LOXHD1: variants seen among roughly 807,000 people sequenced by gnomAD.
The protein encoded by LOXHD1 is lipoxygenase homology PLAT domains 1.
In LOXHD1, 205 loss-of-function variants were observed where a neutral mutation model predicts 248.2. The observed-to-expected ratio is 0.83, with a 90% CI of 0.74 to 0.93. LOXHD1 has a LOEUF of 0.93. Among genes scored for constraint, LOXHD1 ranks in the 40% least tolerant of loss-of-function variants. The pLI is 0.00. For missense variants in LOXHD1, 2,930 were observed against 2,971.6 expected (o/e 0.99, Z 0.33); for synonymous variants, 1,113 against 1,162.8 (o/e 0.96, Z 0.87).
At chr18:46,509,058 G>A (rs960883109) in intron 35 of LOXHD1, among the ~76,000 whole-genome samples, 4 of 152,200 alleles carry the variant, frequency 2.6e-5, no homozygotes, top group African/African-American at 7.2e-5. Flanking sequence ...CCATGTGCAT[G>A]TATGTGTGTG....
At position 46,550,645 on chromosome 18, in the gene LOXHD1, C is replaced by T. The variant is rs544978753; in HGVS notation, c.3351-3587G>A. ...TCAAATCAGTTTTCCACTATAAGGA[C>T]GATCACAGAAGCATATGTTGAGGAA... On this transcript the variant is annotated intron_variant, in intron 21 of 40. Coordinates refer to ENST00000642948, the MANE Select transcript of LOXHD1 (RefSeq NM_001384474.1). 3.8e-4 allele frequency among the ~76,000 whole-genome samples: 55 copies of T among 146,412 alleles called. No individual in the cohort carries two copies. The South Asian group carries it at 6.4e-3, about 17-fold the overall frequency.
At chr18:46,591,876 G>A (rs2038175324) in intron 12 of LOXHD1, 57 bp downstream of exon 12, 12 of 1,546,010 alleles carry the variant, frequency 7.8e-6, no homozygotes, top group African/African-American at 1.4e-5. Flanking sequence ...CAGGCCCATC[G>A]GGACACCAAG....
chr18:46,629,826 A>G (rs1328274675), intron 4 of LOXHD1, among the ~76,000 whole-genome samples: 1 of 151,532 alleles, frequency 6.6e-6, no homozygotes, highest in East Asian at 1.9e-4. Flanking sequence ...GAAAGAAAGA[A>G]AAAAAGGCAA....
chr18:46,614,646 C>G (rs904441292), intron 5 of LOXHD1, among the ~76,000 whole-genome samples: 1 of 151,804 alleles, frequency 6.6e-6, no homozygotes, highest in Non-Finnish European at 1.5e-5. Context: ...TGCAGCACAC[C>G]AACGTGGCAC....
At chr18:46,524,989 T>C in intron 29 of LOXHD1, 72 bp from the exon 30 acceptor site, 2 of 1,505,344 alleles carry the variant, frequency 1.3e-6, no homozygotes, top group Non-Finnish European at 1.8e-6. Flanking sequence ...CCCACCCTTC[T>C]GGGACCTTCC....
At chr18:46,608,035 G>GGAAGGAAGGAAGGAAGGAAGGAA (rs2038444221) in intron 6 of LOXHD1, among the ~76,000 whole-genome samples, 1 of 111,268 alleles carries the variant, frequency 9.0e-6, no homozygotes, top group East Asian at 3.1e-4. Flanking sequence ...GAAGGAAGGA[G>GGAAGGAAGGAAGGAAGGAAGGAA]GGAAGGAAGG....
chr18:46,533,431 C>T (rs905690043), intron 27 of LOXHD1, 107 bp from the exon 28 acceptor site: 2 of 1,295,250 alleles, frequency 1.5e-6, no homozygotes, highest in Non-Finnish European at 2.1e-6. Context: ...GATCATGGGG[C>T]CCCATAAATA....
chr18:46,613,101 T>A (rs1385620679), intron 5 of LOXHD1, among the ~76,000 whole-genome samples: 1 of 152,158 alleles, frequency 6.6e-6, no homozygotes, highest in Non-Finnish European at 1.5e-5. Flanking sequence ...TAGCCCTACA[T>A]GAATATTAGT....
chr18:46,533,742 G>T, intron 27 of LOXHD1: 1 of 325,142 alleles, frequency 3.1e-6, no homozygotes, highest in South Asian at 2.5e-5. Flanking sequence ...TGGCCAACAT[G>T]GTGAAACCCC....
chr18:46,636,651 A>T (rs921741152), intron 4 of LOXHD1, among the ~76,000 whole-genome samples: 3 of 152,186 alleles, frequency 2.0e-5, no homozygotes, highest in Admixed American at 6.5e-5. Flanking sequence ...GGCTGGTGGT[A>T]TAAGTTCACT....
chr18:46,633,830 A>C (rs922271354), intron 4 of LOXHD1, among the ~76,000 whole-genome samples: 1 of 152,244 alleles, frequency 6.6e-6, no homozygotes, highest in Non-Finnish European at 1.5e-5. Context: ...GTTATTCTCC[A>C]AAGAAGATAT....
intron 12 of LOXHD1, among the ~76,000 whole-genome samples, chr18:46,583,613 G>A (rs1480182726): frequency 1.3e-5 from 2 of 151,952 alleles, no homozygotes; most frequent in African/African-American, 2.4e-5. Context: ...AATCATCAGG[G>A]AAATGCAAAT....
intron 23 of LOXHD1, among the ~76,000 whole-genome samples, chr18:46,543,931 AGAG>A (rs1184187234): frequency 1.3e-5 from 2 of 152,168 alleles, no homozygotes; most frequent in African/African-American, 4.8e-5. Context: ...TCTGGATGAC[AGAG>A]GAGGGATGAA....
At chr18:46,518,758 G>T in intron 33 of LOXHD1, 1 of 449,036 alleles carries the variant, frequency 2.2e-6, no homozygotes, top group Non-Finnish European at 2.9e-6. Flanking sequence ...CTGGTGCTGA[G>T]CCTGCCACCT....
At chr18:46,503,230 C>T (rs1453207033) in intron 37 of LOXHD1, among the ~76,000 whole-genome samples, 2 of 152,138 alleles carry the variant, frequency 1.3e-5, no homozygotes, top group African/African-American at 2.4e-5. Context: ...GGACATAGTT[C>T]TTGGGAACAT....
At chr18:46,488,874 T>C in intron 38 of LOXHD1, 98 bp downstream of exon 38, 1 of 1,314,724 alleles carries the variant, frequency 7.6e-7, no homozygotes, top group South Asian at 1.4e-5. Context: ...TATTATTCCC[T>C]GTATCTGGCA....
In LOXHD1 at chr18:46,524,905, TGAA is replaced by T. The variant is rs2035756740; in HGVS notation, c.4540_4542del (p.Phe1514del). 6.4e-7 allele frequency: 1 copy of T among 1,551,662 alleles called. No homozygotes were observed. The highest frequency in any genetic ancestry group is 8.7e-7 in the Non-Finnish European group (1 of 1,146,976). On this transcript the variant is annotated inframe_deletion, in exon 30 of 41. Transcript: ENST00000642948. Reference sequence around the variant, plus strand: ...ACGCCTAGGTCAGCGGCCTCGATGATGAAGGTGTCAGCCTGGGGAGCCCAGATG... The same window carrying T: ...ACGCCTAGGTCAGCGGCCTCGATGATGGTGTCAGCCTGGGGAGCCCAGATG...
chr18:46,559,681 C>T, intron 19 of LOXHD1, 79 bp from the exon 20 acceptor site: 2 of 1,444,954 alleles, frequency 1.4e-6, no homozygotes, highest in Non-Finnish European at 1.9e-6. Flanking sequence ...CTCTCAGATC[C>T]AGCCAGATCC....
At chr18:46,635,268 C>T (rs1485062894) in intron 4 of LOXHD1, among the ~76,000 whole-genome samples, 1 of 152,098 alleles carries the variant, frequency 6.6e-6, no homozygotes. Context: ...CAAACCAAAG[C>T]TGGAGAAGCA....
Sources: gnomAD v4.1 joint callset for allele counts (sites outside exome capture counted in the v4.1 genomes callset) on GRCh38, gnomAD v4.1.1 for gene constraint, MANE v1.5 for transcripts, NCBI Gene and HGNC (gene_info 2026-07-23, HGNC 2026-07-21) for gene names.